The following KCNH7 variants were observed in gnomAD, a reference collection of about 807,000 sequenced individuals.
KCNH7 encodes potassium voltage-gated channel subfamily H member 7.
In KCNH7, 49 loss-of-function variants were observed where a neutral mutation model predicts 120.8. The observed-to-expected ratio is 0.41, with a 90% confidence interval of 0.32 to 0.51. KCNH7 has a LOEUF of 0.51. KCNH7 is among the 20% of genes least tolerant of loss of function. KCNH7 has a pLI of 0.38. For missense variants in KCNH7, 1,097 were observed against 1,446.6 expected (o/e 0.76, Z 3.92); for synonymous variants, 547 against 516.1 (o/e 1.06, Z -0.81).
intron 2 of KCNH7, among the ~76,000 whole-genome samples, chr2:162,569,233 C>G (rs892694536): frequency 1.6e-4 from 24 of 151,974 alleles, no homozygotes; most frequent in African/African-American, 5.1e-4. Context: ...TTCAGAGATT[C>G]AACTTCTTCC....
At chr2:162,443,685 C>G (rs1157238080) in intron 7 of KCNH7, among the ~76,000 whole-genome samples, 1 of 152,196 alleles carries the variant, frequency 6.6e-6, no homozygotes, top group African/African-American at 2.4e-5. Context: ...TTCCCTGCTC[C>G]TAGCCTGACT....
At chr2:162,468,541 G>A (rs6754452) in intron 6 of KCNH7, among the ~76,000 whole-genome samples, 71 of 80,230 alleles carry the variant, frequency 8.8e-4, no homozygotes, top group Non-Finnish European at 1.2e-3. Flanking sequence ...TTTTTTTTCA[G>A]ACGGAGTCTC....
At chr2:162,724,535 A>G (rs997747153) in intron 2 of KCNH7, among the ~76,000 whole-genome samples, 6 of 149,866 alleles carry the variant, frequency 4.0e-5, no homozygotes, top group South Asian at 2.1e-4. Context: ...AGCCGGGCGT[A>G]GTGGCGGGCG....
intron 2 of KCNH7, among the ~76,000 whole-genome samples, chr2:162,729,602 C>A (rs910274881): frequency 1.3e-5 from 2 of 151,908 alleles, no homozygotes; most frequent in Admixed American, 6.6e-5. Context: ...TACTTTCCAA[C>A]CTGCATACTT....
At chr2:162,578,397 T>G (rs1363233685) in intron 2 of KCNH7, among the ~76,000 whole-genome samples, 1 of 151,996 alleles carries the variant, frequency 6.6e-6, no homozygotes, top group Non-Finnish European at 1.5e-5. Flanking sequence ...CCTGGTAAAG[T>G]AGATATTATT....
chr2:162,766,611 T>G (rs954958811), intron 2 of KCNH7, among the ~76,000 whole-genome samples: 1 of 152,130 alleles, frequency 6.6e-6, no homozygotes, highest in Non-Finnish European at 1.5e-5. Flanking sequence ...TTTCTTTACA[T>G]CTATGCTATT....
At chr2:162,587,791 T>C (rs528044902) in intron 2 of KCNH7, among the ~76,000 whole-genome samples, 42 of 152,236 alleles carry the variant, frequency 2.8e-4, no homozygotes, top group Admixed American at 2.7e-3. Flanking sequence ...CTTACCACAA[T>C]GTGTGTCAAC....
At chr2:162,530,463 A>T (rs78537449) in intron 3 of KCNH7, among the ~76,000 whole-genome samples, 1 of 151,190 alleles carries the variant, frequency 6.6e-6, no homozygotes, top group African/African-American at 2.4e-5. Flanking sequence ...AGTGTGCGCG[A>T]GCGTGCGCGC....
intron 10 of KCNH7, among the ~76,000 whole-genome samples, chr2:162,397,344 A>G (rs968495089): frequency 6.6e-6 from 1 of 151,764 alleles, no homozygotes; most frequent in African/African-American, 2.4e-5. Context: ...CTGTCTCGGG[A>G]TGGTCTCTGC....
At chr2:162,486,512 T>C (rs1197165697) in intron 6 of KCNH7, among the ~76,000 whole-genome samples, 1 of 152,170 alleles carries the variant, frequency 6.6e-6, no homozygotes, top group African/African-American at 2.4e-5. Context: ...TCCTTTAAGC[T>C]AAGTTCTATA....
At chr2:162,564,586 G>A (rs527636820) in intron 2 of KCNH7, among the ~76,000 whole-genome samples, 21 of 152,230 alleles carry the variant, frequency 1.4e-4, no homozygotes, top group African/African-American at 4.6e-4. Context: ...TAAATTTAGA[G>A]ACATTTATAC....
At chr2:162,703,461 C>A (rs775031346) in intron 2 of KCNH7, among the ~76,000 whole-genome samples, 11 of 152,022 alleles carry the variant, frequency 7.2e-5, no homozygotes, top group Non-Finnish European at 1.6e-4. Flanking sequence ...AGAATGTATA[C>A]TTTAGATAAT....
intron 9 of KCNH7, among the ~76,000 whole-genome samples, chr2:162,413,814 C>T (rs112483622): frequency 6.6e-6 from 1 of 151,046 alleles, no homozygotes; most frequent in Admixed American, 6.6e-5. Flanking sequence ...TATTTTGTAT[C>T]CAAAATAGTC....
intron 2 of KCNH7, among the ~76,000 whole-genome samples, chr2:162,758,094 A>G (rs1232145638): frequency 6.6e-6 from 1 of 152,158 alleles, no homozygotes; most frequent in Admixed American, 6.5e-5. Flanking sequence ...TGTTGTTTCC[A>G]TGGGATCTGT....
chr2:162,825,590 A>T (rs1237028383), intron 2 of KCNH7, among the ~76,000 whole-genome samples: 3 of 152,084 alleles, frequency 2.0e-5, no homozygotes, highest in Admixed American at 1.3e-4. Context: ...TTTAGTAAGG[A>T]AAAAAGTACA....
chr2:162,666,037 A>G (rs1685122106), intron 2 of KCNH7, among the ~76,000 whole-genome samples: 1 of 152,184 alleles, frequency 6.6e-6, no homozygotes, highest in African/African-American at 2.4e-5. Flanking sequence ...ATTTTAGTGT[A>G]GATTAAGAGA....
chr2:162,572,903 G>C (rs1469985188), intron 2 of KCNH7, among the ~76,000 whole-genome samples: 1 of 152,006 alleles, frequency 6.6e-6, no homozygotes, highest in Non-Finnish European at 1.5e-5. Context: ...GTTGTGGGGT[G>C]GGAGAAGGGC....
intron 6 of KCNH7, among the ~76,000 whole-genome samples, chr2:162,470,559 CCGTCCGGGAGGGAGG>C: frequency 6.6e-6 from 1 of 152,186 alleles, no homozygotes; most frequent in South Asian, 2.1e-4. Flanking sequence ...GGCAGCCACC[CCGTCCGGGAGGGAGG>C]TGGGGGTCAG....
At chr2:162,745,270 T>C (rs1205429590) in intron 2 of KCNH7, among the ~76,000 whole-genome samples, 1 of 152,228 alleles carries the variant, frequency 6.6e-6, no homozygotes, top group African/African-American at 2.4e-5. Flanking sequence ...ATCTCAATTC[T>C]GTTTTAAGCT....
Sources: gnomAD v4.1 joint callset for allele counts (sites outside exome capture counted in the v4.1 genomes callset) on GRCh38, gnomAD v4.1.1 for gene constraint, MANE v1.5 for transcripts, NCBI Gene and HGNC (gene_info 2026-07-23, HGNC 2026-07-21) for gene names.